HPS1: variants seen among roughly 807,000 people sequenced by gnomAD.
HPS1 encodes HPS1 biogenesis of lysosomal organelles complex 3 subunit 1.
Under a neutral mutation model 90.6 loss-of-function variants are expected in HPS1, and 59 were observed. The ratio of observed to expected loss-of-function variants is 0.65; its 90% CI spans 0.53 to 0.81. The LOEUF (loss-of-function observed/expected upper bound fraction) is 0.81, where lower values mean the gene tolerates loss of function less well. Ranked by LOEUF, HPS1 falls within the 30% of genes least tolerant of loss-of-function variation. The pLI is 0.00. For synonymous variants in HPS1, 388 were observed against 384.4 expected (o/e 1.01, Z -0.11); for missense variants, 849 against 896.7 (o/e 0.95, Z 0.68).
At chr10:98,430,490 G>T (rs970962795) in intron 8 of HPS1, 81 bp downstream of exon 8, 1 of 1,058,358 alleles carries the variant, frequency 9.4e-7, no homozygotes. Flanking sequence ...TCCCCAGGGG[G>T]AGCCTGCCCA....
At chr10:98,429,192 G>A in intron 10 of HPS1, 1 of 1,041,494 alleles carries the variant, frequency 9.6e-7, no homozygotes, top group Non-Finnish European at 1.2e-6. Context: ...ATACTTTGGA[G>A]AAACAAAGTA....
Position 98,435,883 on chromosome 10 carries a change from TG to T in HPS1, c.118-112del. On this transcript the variant is annotated intron_variant, in intron 3 of 19. Transcript: ENST00000361490. This position sits in a 1 kb window ranked among gnomAD's most constrained non-coding sequence, Gnocchi z 4.3. Reference sequence around the variant, plus strand: ...AGGGTTCCATAGTGTTAGACCCTCCTGGGAGGGTATCACTGTCCTGGTAGGG... The same window carrying T: ...AGGGTTCCATAGTGTTAGACCCTCCTGGAGGGTATCACTGTCCTGGTAGGG... 3 of 1,320,850 alleles carry T rather than the reference TG, an allele frequency of 2.3e-6. No individual in the cohort carries two copies. Among genetic ancestry groups the T allele is most frequent in the Non-Finnish European group, 2.1e-6 (2 of 931,318 alleles). 81.8% of individuals were successfully genotyped at this position (1,320,850 alleles called of 1,614,324 possible).
chr10:98,417,728 TGGGGAGGAA>T lies in HPS1; in HGVS notation c.1941-11_1941-3del, dbSNP rs1417332533. 6.2e-7 allele frequency: 1 copy of T among 1,613,602 alleles called. No individual in the cohort carries two copies. Among genetic ancestry groups the T allele is most frequent in the Non-Finnish European group, 8.5e-7 (1 of 1,179,820 alleles). ...TTGCTGTAGTAGCGCAGGAGCTTCC[TGGGGAGGAA>T]GGGGAGGATGGGATTCAGGAGTGAG... On this transcript the variant is annotated splice_polypyrimidine_tract_variant and splice_region_variant and intron_variant, in intron 19 of 19. Transcript: ENST00000361490. This position sits in a 1 kb window ranked among gnomAD's most constrained non-coding sequence, Gnocchi z 4.2.
At chr10:98,443,274 C>T (rs1000879954) in intron 2 of HPS1, 34 bp from the exon 3 acceptor site, 1 of 1,486,972 alleles carries the variant, frequency 6.7e-7, no homozygotes, top group Non-Finnish European at 9.4e-7. Flanking sequence ...GGTCAGCCTC[C>T]AGCCCCAACA....
chr10:98,430,497 C>A, intron 8 of HPS1, 74 bp downstream of exon 8: 1 of 1,160,204 alleles, frequency 8.6e-7, no homozygotes, highest in Non-Finnish European at 1.3e-6. Context: ...GGGGAGCCTG[C>A]CCACCATCTT....
chr10:98,435,491 C>A lies in HPS1; in HGVS notation c.256-77G>T. Reference sequence around the variant, plus strand: ...CCTGCCCTGGTCTCTGCAGACAAGCCAGGGGAGGCTCGGGTCCCAGGCGGG... The same window carrying A: ...CCTGCCCTGGTCTCTGCAGACAAGCAAGGGGAGGCTCGGGTCCCAGGCGGG... On this transcript the variant is annotated intron_variant, in intron 4 of 19. Coordinates refer to ENST00000361490, the MANE Select transcript of HPS1 (RefSeq NM_000195.5). This position sits in a 1 kb window ranked among gnomAD's most constrained non-coding sequence, Gnocchi z 4.3. 6.2e-7 allele frequency: 1 copy of A among 1,612,492 alleles called. No individual in the cohort carries two copies. The highest frequency in any genetic ancestry group is 8.5e-7 in the Non-Finnish European group (1 of 1,178,892).
chr10:98,442,932 C>T (rs1408307355), intron 3 of HPS1, 192 bp downstream of exon 3: 2 of 642,508 alleles, frequency 3.1e-6, no homozygotes, highest in Non-Finnish European at 5.7e-6. Context: ...GTGGGGTCAC[C>T]GAGCTCAGAG....
intron 3 of HPS1, chr10:98,442,240 C>T (rs1019825765): frequency 6.6e-6 from 1 of 152,196 alleles, no homozygotes; most frequent in Non-Finnish European, 1.5e-5. Context: ...TAAATCCAAG[C>T]ACATACTGTA....
At chr10:98,433,634 G>A (rs1036424456) in intron 6 of HPS1, among the ~76,000 whole-genome samples, 10 of 152,082 alleles carry the variant, frequency 6.6e-5, no homozygotes, top group East Asian at 1.9e-4. Flanking sequence ...TGCCTTTAGC[G>A]CTGTGTTTTT....
At chr10:98,431,319 C>A (rs1846435627) in intron 6 of HPS1, 28 bp from the exon 7 acceptor site, 3 of 1,611,404 alleles carry the variant, frequency 1.9e-6, no homozygotes, top group Non-Finnish European at 2.5e-6. Context: ...GGAGAGGAAG[C>A]CATATCACCA....
chr10:98,422,251 C>T, intron 17 of HPS1, 118 bp downstream of exon 17: 2 of 1,106,646 alleles, frequency 1.8e-6, no homozygotes, highest in East Asian at 2.4e-5. Flanking sequence ...TGGCCACTGC[C>T]TCCTTGGGCC....
intron 3 of HPS1, among the ~76,000 whole-genome samples, chr10:98,440,434 T>C (rs1938213249): frequency 1.3e-5 from 2 of 152,128 alleles, no homozygotes; most frequent in Admixed American, 6.5e-5. Flanking sequence ...CACTGATTCA[T>C]GTACTGGAGT....
rs144636790 is a variant in HPS1 at position 98,438,198 on chromosome 10, C to T, written c.118-2426G>A. On this transcript the variant is annotated intron_variant, in intron 3 of 19. Transcript: ENST00000361490. ...ACGGACTGACACAGTAAATTGGTACCACAGAGAGTGAGGTGCTACTATAAA... is the reference window on the plus strand; with the variant it reads ...ACGGACTGACACAGTAAATTGGTACTACAGAGAGTGAGGTGCTACTATAAA... Among the ~76,000 whole-genome samples, 717 of 152,156 alleles carry T rather than the reference C, an allele frequency of 4.7e-3. 6 individuals carry two copies. The highest frequency in any genetic ancestry group is 0.016 in the African/African-American group (680 of 41,488).
intron 2 of HPS1, among the ~76,000 whole-genome samples, chr10:98,443,651 C>T (rs1020125317): frequency 1.3e-5 from 2 of 152,210 alleles, no homozygotes; most frequent in African/African-American, 4.8e-5. Flanking sequence ...GCCATGCTCA[C>T]GGCAGCCAGT....
intron 3 of HPS1, among the ~76,000 whole-genome samples, chr10:98,441,606 C>T (rs2136311873): frequency 6.6e-6 from 1 of 152,178 alleles, no homozygotes; most frequent in African/African-American, 2.4e-5. Flanking sequence ...ATTTGTAAAA[C>T]ATGTATCTGA....
chr10:98,442,920 G>A, intron 3 of HPS1: 1 of 625,524 alleles, frequency 1.6e-6, no homozygotes, highest in Non-Finnish European at 2.9e-6. Context: ...TGGGGTGTGG[G>A]GGTGGGGTCA....
intron 18 of HPS1, 65 bp from the exon 19 acceptor site, chr10:98,418,322 C>T (rs761015922): frequency 1.9e-4 from 162 of 875,110 alleles, no homozygotes; most frequent in Non-Finnish European, 3.6e-5. Flanking sequence ...TCAGACGCAC[C>T]GGGCTTGCGG....
rs995355527 is a variant in HPS1 at position 98,425,801 on chromosome 10, G to A, written c.1155+17C>T. The A allele has an allele frequency of 1.2e-5, 20 of 1,611,278 alleles. No homozygotes were observed. Among genetic ancestry groups the A allele is most frequent in the Middle Eastern group, 3.3e-4 (2 of 6,076 alleles). On this transcript the variant is annotated intron_variant, in intron 12 of 19. Coordinates refer to ENST00000361490, the MANE Select transcript of HPS1 (RefSeq NM_000195.5). ...CAACCCTAAGCATCATCAGGGCAGGGTGAGGGGCTCTCCTACCCTGGTCAG... is the reference window on the plus strand; with the variant it reads ...CAACCCTAAGCATCATCAGGGCAGGATGAGGGGCTCTCCTACCCTGGTCAG...
rs748998125 is a variant in HPS1 at position 98,425,923 on chromosome 10, C to A, written c.1050G>T (p.Arg350Ser). 37 of 1,613,996 alleles carry A rather than the reference C, an allele frequency of 2.3e-5. No individual in the cohort carries two copies. The highest frequency in any genetic ancestry group is 3.0e-5 in the Non-Finnish European group (35 of 1,180,002). ...PHCPVPSGPR[R>S]IFLDANVKES... Reference sequence around the variant, plus strand: ...CCTTCACGTTGGCATCCAGGAAGATCCTTCTGGGGCCGGAAGGCACAGGGC... The same window carrying A: ...CCTTCACGTTGGCATCCAGGAAGATACTTCTGGGGCCGGAAGGCACAGGGC... Residue 350 changes from arginine to serine, a missense_variant, in exon 12 of 20, where the codon AGG becomes AGT. Arg to Ser is a moderately radical substitution (Grantham distance 110). Transcript: ENST00000361490.
Sources: gnomAD v4.1 joint callset for allele counts (sites outside exome capture counted in the v4.1 genomes callset) on GRCh38, gnomAD v4.1.1 for gene constraint, Gnocchi (gnomAD v3.1) non-coding constraint, MANE v1.5 for transcripts, NCBI Gene and HGNC (gene_info 2026-07-23, HGNC 2026-07-21) for gene names.